The following COL9A3 variants were observed in gnomAD, a reference collection of about 807,000 sequenced individuals.
The protein encoded by COL9A3 is collagen type IX alpha 3 chain, also known as collagen alpha-3(IX) chain.
A neutral mutation model predicts 110.2 loss-of-function variants in COL9A3; 82 were observed. The observed-to-expected ratio is 0.74, with a 90% confidence interval of 0.62 to 0.89. The LOEUF is 0.89. COL9A3 is among the 40% of genes least tolerant of loss of function. COL9A3 has a pLI of 0.00. For synonymous variants in COL9A3, 494 were observed against 403.8 expected, an observed-to-expected ratio of 1.22 and a Z score of -2.68; for missense variants, 1,066 against 981.3, an observed-to-expected ratio of 1.09 and a Z score of -1.15.
At chr20:62,836,367 AG>A (rs1303494719) in intron 28 of COL9A3, 34 bp downstream of exon 28, 1 of 1,613,834 alleles carries the variant, frequency 6.2e-7, no homozygotes, top group East Asian at 2.2e-5. Flanking sequence ...CAGCTTTCAC[AG>A]GGTTGAGATC....
Position 62,817,586 on chromosome 20 carries a change from C to CT in COL9A3, c.98_99insT (p.Gly35ArgfsTer15). On this transcript the variant is annotated frameshift_variant, in exon 2 of 32. Transcript: ENST00000649368. LOFTEE classifies it high-confidence loss of function. ...TTTCAGAGAGTGGGACTCCCCGGCC[C>CT]CCCCGGCCCCCCAGGGCCGCCCGGG... 1.3e-6 allele frequency: 2 copies of CT among 1,540,640 alleles called. No individual in the cohort carries two copies. The highest frequency in any genetic ancestry group is 2.7e-5 in the African/African-American group (2 of 73,016).
At chr20:62,818,416 C>A in intron 2 of COL9A3, 102 bp from the exon 3 acceptor site, 1 of 1,157,372 alleles carries the variant, frequency 8.6e-7, no homozygotes, top group Non-Finnish European at 1.3e-6. Context: ...GGGGCTGGGC[C>A]TCTGGGGCTG....
At chr20:62,829,313 G>A (rs978238036) in intron 19 of COL9A3, 142 bp from the exon 20 acceptor site, 1 of 1,149,300 alleles carries the variant, frequency 8.7e-7, no homozygotes, top group Non-Finnish European at 1.2e-6. Flanking sequence ...CGCACCTCAG[G>A]TCCACAAGGC....
chr20:62,827,236 T>C lies in COL9A3; in HGVS notation c.793-5T>C. 6.2e-7 allele frequency: 1 copy of C among 1,613,186 alleles called. No individual in the cohort carries two copies. The highest frequency in any genetic ancestry group is 8.5e-7 in the Non-Finnish European group (1 of 1,179,928). ...TCTGTCCCTGCCCCACCTCATCCTT[T>C]CCAGGGTGACCGAGGCGAGAGGGGC... is the stretch of plus-strand genomic sequence containing the variant. On this transcript the variant is annotated splice_region_variant and splice_polypyrimidine_tract_variant and intron_variant, in intron 15 of 31. Transcript: ENST00000649368.
In COL9A3 at chr20:62,836,235, G is replaced by A. The variant is rs767106237; in HGVS notation, c.1450G>A (p.Gly484Ser). 41 of 1,613,582 alleles carry A rather than the reference G, an allele frequency of 2.5e-5. No homozygotes were observed. Among genetic ancestry groups the A allele is most frequent in the Admixed American group, 6.7e-5 (4 of 60,000 alleles). Reference sequence around the variant, plus strand: ...CCCCAAAGGCACCCAGGGTCCCAACGGCACCAGCGGTGTTCAGGGTGTCCC... The same window carrying A: ...CCCCAAAGGCACCCAGGGTCCCAACAGCACCAGCGGTGTTCAGGGTGTCCC... ...LGPKGTQGPN[G>S]TSGVQGVPGP... Residue 484 changes from glycine (G) to serine (S), a missense_variant, in exon 28 of 32, where the codon GGC (glycine) becomes AGC (serine). Coordinates refer to ENST00000649368, the MANE Select transcript of COL9A3 (RefSeq NM_001853.4).
At chr20:62,835,343 C>T (rs1043499317) in intron 26 of COL9A3, among the ~76,000 whole-genome samples, 6 of 152,178 alleles carry the variant, frequency 3.9e-5, no homozygotes, top group African/African-American at 1.4e-4. Context: ...GGCAGAAGGG[C>T]CAAGAGGAGG....
intron 23 of COL9A3, 33 bp from the exon 24 acceptor site, chr20:62,830,484 T>C: frequency 1.2e-6 from 2 of 1,601,994 alleles, no homozygotes; most frequent in Non-Finnish European, 8.5e-7. Flanking sequence ...CGACAGGGTA[T>C]GGGCACTGAC....
intron 17 of COL9A3, among the ~76,000 whole-genome samples, 179 bp downstream of exon 17, chr20:62,828,155 G>A (rs1258896081): frequency 6.6e-6 from 1 of 152,228 alleles, no homozygotes; most frequent in African/African-American, 2.4e-5. Context: ...AGAGCCTCAC[G>A]AGTGTGCAGG....
chr20:62,828,017 G>C (rs1182491413), intron 17 of COL9A3, 41 bp downstream of exon 17: 2 of 1,608,282 alleles, frequency 1.2e-6, no homozygotes, highest in Middle Eastern at 1.7e-4. Flanking sequence ...CCTCCCCCGG[G>C]TCCTGGGTAT....
chr20:62,836,776 T>A (rs2147228906), intron 29 of COL9A3: 1 of 624,356 alleles, frequency 1.6e-6, no homozygotes, highest in East Asian at 2.7e-5. Flanking sequence ...GCAGACGCCC[T>A]AAAGCCTGCT....
intron 26 of COL9A3, among the ~76,000 whole-genome samples, chr20:62,834,948 A>G (rs1490563381): frequency 6.6e-6 from 1 of 152,164 alleles, no homozygotes; most frequent in Non-Finnish European, 1.5e-5. Context: ...CCATTTAGTG[A>G]ATTCTTAGAC....
At chr20:62,823,062 C>T (rs889924205) in intron 10 of COL9A3, among the ~76,000 whole-genome samples, 3 of 152,222 alleles carry the variant, frequency 2.0e-5, no homozygotes, top group Non-Finnish European at 4.4e-5. Flanking sequence ...TCAGGTCAGG[C>T]GCAGTGGCTC....
intron 17 of COL9A3, 23 bp downstream of exon 17, chr20:62,827,999 G>A: frequency 6.2e-7 from 1 of 1,612,528 alleles, no homozygotes. Context: ...GGCTGCTCAT[G>A]GAATGCTCCT....
At chr20:62,828,025 T>G in intron 17 of COL9A3, 49 bp downstream of exon 17, 2 of 1,593,948 alleles carry the variant, frequency 1.3e-6, no homozygotes, top group Non-Finnish European at 1.7e-6. Context: ...GGGTCCTGGG[T>G]ATGTACAGGT....
intron 9 of COL9A3, among the ~76,000 whole-genome samples, 166 bp from the exon 10 acceptor site, chr20:62,822,425 G>A (rs949070039): frequency 4.0e-5 from 6 of 149,858 alleles, no homozygotes; most frequent in African/African-American, 1.5e-4. Flanking sequence ...CCTGTGGGTG[G>A]GCCAGCAGCT....
At position 62,836,641 on chromosome 20, in the gene COL9A3, G is replaced by GC. The variant is rs1353523038; in HGVS notation, c.1603+113dup. 9 of 1,225,456 alleles carry GC rather than the reference G, an allele frequency of 7.3e-6. No homozygotes were observed. The African/African-American group carries it at 9.0e-5, about 12-fold the overall frequency. 75.9% of individuals were successfully genotyped at this position (1,225,456 alleles called of 1,614,324 possible). Reference sequence around the variant, plus strand: ...TGCCACTGCTTTCCAGCCAAAGTGAGCCCCTAGCACTCACCCCGCCTGTTA... The same window carrying GC: ...TGCCACTGCTTTCCAGCCAAAGTGAGCCCCCTAGCACTCACCCCGCCTGTTA... On this transcript the variant is annotated intron_variant, in intron 29 of 31. Transcript: ENST00000649368.
intron 5 of COL9A3, 137 bp downstream of exon 5, chr20:62,820,119 G>T: frequency 9.9e-7 from 1 of 1,005,058 alleles, no homozygotes; most frequent in South Asian, 1.3e-5. Flanking sequence ...GGGGTGGAGG[G>T]GCAGAAGGGC....
intron 29 of COL9A3, chr20:62,836,810 C>G: frequency 1.6e-6 from 1 of 625,378 alleles, no homozygotes; most frequent in Non-Finnish European, 2.8e-6. Flanking sequence ...ACAAGAACAG[C>G]GGAGTGTGCC....
chr20:62,817,662 G>A (rs1990978808), intron 2 of COL9A3, 27 bp downstream of exon 2: 2 of 1,497,448 alleles, frequency 1.3e-6, no homozygotes, highest in South Asian at 1.2e-5. Context: ...GGAGGGCCCC[G>A]AGCGCTCTGG....
Sources: gnomAD v4.1 joint callset for allele counts (sites outside exome capture counted in the v4.1 genomes callset) on GRCh38, gnomAD v4.1.1 for gene constraint, MANE v1.5 for transcripts, NCBI Gene and HGNC (gene_info 2026-07-23, HGNC 2026-07-21) for gene names.